Variants in NRXN3 observed in about 807,000 individuals in gnomAD.
The protein encoded by NRXN3 is neurexin 3.
Under a neutral mutation model 137.6 loss-of-function variants are expected in NRXN3, and 32 were observed. The ratio of observed to expected loss-of-function variants is 0.23; its 90% CI spans 0.18 to 0.31. The LOEUF is 0.31. NRXN3 is among the 10% of genes least tolerant of loss of function. NRXN3 has a pLI of 1.00. For synonymous variants in NRXN3, 798 were observed against 784.5 expected, an observed-to-expected ratio of 1.02 and a Z score of -0.29; for missense variants, 1,574 against 2,062.5, an observed-to-expected ratio of 0.76 and a Z score of 4.59.
At chr14:78,503,706 C>T (rs933324840) in intron 4 of NRXN3, among the ~76,000 whole-genome samples, 1 of 152,048 alleles carries the variant, frequency 6.6e-6, no homozygotes, top group South Asian at 2.1e-4. Flanking sequence ...GTCCCAGGGC[C>T]TAGGACAAGG....
At position 79,359,334 on chromosome 14, in the gene NRXN3, AT is replaced by A. The variant is rs1445644658; in HGVS notation, c.3263-107885del. On this transcript the variant is annotated intron_variant, in intron 15 of 20. Coordinates refer to ENST00000335750, the MANE Select transcript of NRXN3 (RefSeq NM_001330195.2). ...TTTAAGTAACTGCCTTGCAAGGGTG[AT>A]TCCCTACAGAGTTATTTTCTGCATA... is the stretch of plus-strand genomic sequence containing the variant. Among the ~76,000 whole-genome samples the A allele has an allele frequency of 2.6e-5, 4 of 152,202 alleles. No homozygotes were observed. In the East Asian group the frequency reaches 7.7e-4, roughly 29 times the overall value.
Position 78,943,622 on chromosome 14 carries a change from ATATATATATATAT to A in NRXN3, c.2276-13619_2276-13607del, listed in dbSNP as rs1395592109. Among the ~76,000 whole-genome samples, 110 of 24,264 alleles carry A rather than the reference ATATATATATATAT, an allele frequency of 4.5e-3. 6 individuals are homozygous for A. The highest frequency in any genetic ancestry group is 5.4e-3 in the Admixed American group (9 of 1,672). The allele number at this position is 24,264 out of a possible 152,430, so 15.9% of individuals were successfully genotyped here. On this transcript the variant is annotated intron_variant, in intron 10 of 20. Coordinates refer to ENST00000335750, the MANE Select transcript of NRXN3 (RefSeq NM_001330195.2). ...GCAAGATCACTGTTAAAAAAAAAAAATATATATATATATATATATATATATATATATATATATA... is the reference window on the plus strand; with the variant it reads ...GCAAGATCACTGTTAAAAAAAAAAAAATATATATATATATATATATATATA...
intron 4 of NRXN3, among the ~76,000 whole-genome samples, chr14:78,554,983 G>T (rs1243586391): frequency 6.6e-6 from 1 of 152,042 alleles, no homozygotes; most frequent in South Asian, 2.1e-4. Context: ...GAGAGCATGG[G>T]CTCTGGAGGC....
chr14:78,305,352 G>C (rs112038498), intron 4 of NRXN3, among the ~76,000 whole-genome samples: 15 of 152,212 alleles, frequency 9.9e-5, no homozygotes, highest in Admixed American at 5.2e-4. Context: ...GCTCTACAGA[G>C]TTTTGTATTC....
chr14:78,554,102 A>C (rs1467177292), intron 4 of NRXN3, among the ~76,000 whole-genome samples: 1 of 152,090 alleles, frequency 6.6e-6, no homozygotes, highest in Non-Finnish European at 1.5e-5. Context: ...CCAAGCCTTC[A>C]TTTTCTTTGA....
chr14:79,271,968 A>C lies in NRXN3; in HGVS notation c.3263-195253A>C, dbSNP rs527423426. ...AAGCAGGCTCAAAAAGTTTAAGGTA[A>C]CTTGTTCAAAGTCATATAGCCAGTG... On this transcript the variant is annotated intron_variant, in intron 15 of 20. Coordinates refer to ENST00000335750, the MANE Select transcript of NRXN3 (RefSeq NM_001330195.2). Among the ~76,000 whole-genome samples the C allele has an allele frequency of 7.2e-5, 11 of 152,302 alleles. No individual in the cohort carries two copies. The South Asian group carries it at 2.1e-3, about 29-fold the overall frequency.
At chr14:78,285,872 C>A (rs548836957) in intron 3 of NRXN3, among the ~76,000 whole-genome samples, 2 of 152,212 alleles carry the variant, frequency 1.3e-5, no homozygotes, top group South Asian at 2.1e-4. Flanking sequence ...TGGAAGGGGG[C>A]CCTCAGCTGG....
intron 15 of NRXN3, among the ~76,000 whole-genome samples, chr14:79,394,732 AT>A (rs1308048065): frequency 1.3e-5 from 2 of 152,200 alleles, no homozygotes; most frequent in African/African-American, 4.8e-5. Context: ...CAATACCAGT[AT>A]TTTTAAAAGT....
intron 15 of NRXN3, among the ~76,000 whole-genome samples, chr14:79,157,858 T>A (rs796836356): frequency 3.4e-4 from 51 of 151,870 alleles, no homozygotes; most frequent in African/African-American, 1.2e-3. Flanking sequence ...TGAGAAGCAT[T>A]TTATAAGGGA....
At chr14:78,777,071 A>C (rs2098747041) in intron 8 of NRXN3, among the ~76,000 whole-genome samples, 2 of 152,156 alleles carry the variant, frequency 1.3e-5, no homozygotes, top group African/African-American at 4.8e-5. Context: ...ATATTATTCA[A>C]ATCCTGTTCC....
intron 14 of NRXN3, among the ~76,000 whole-genome samples, chr14:78,970,114 A>G (rs986837097): frequency 1.3e-5 from 2 of 152,334 alleles, no homozygotes; most frequent in Non-Finnish European, 2.9e-5. Flanking sequence ...ATATAAGAGC[A>G]CATATTAGAA....
chr14:78,699,643 T>C (rs1162528118), intron 6 of NRXN3, among the ~76,000 whole-genome samples: 6 of 152,176 alleles, frequency 3.9e-5, no homozygotes, highest in Non-Finnish European at 5.9e-5. Flanking sequence ...GTTACCTTTT[T>C]CCCCTAATTG....
chr14:78,209,609 T>G (rs1455478834), intron 1 of NRXN3, among the ~76,000 whole-genome samples: 2 of 152,158 alleles, frequency 1.3e-5, no homozygotes. Flanking sequence ...GAAAACTGCC[T>G]TATAAGCCCA....
At chr14:79,785,810 T>C (rs1045888559) in intron 19 of NRXN3, among the ~76,000 whole-genome samples, 1 of 152,144 alleles carries the variant, frequency 6.6e-6, no homozygotes, top group Non-Finnish European at 1.5e-5. Flanking sequence ...AACCAGAATT[T>C]TTCTCAATGA....
At chr14:78,282,493 A>C (rs2074542474) in intron 3 of NRXN3, 1 of 207,606 alleles carries the variant, frequency 4.8e-6, no homozygotes, top group Non-Finnish European at 1.0e-5. Context: ...TGGAATTTAA[A>C]TGAATAACTG....
intron 15 of NRXN3, among the ~76,000 whole-genome samples, chr14:79,181,057 C>CATATATATAT (rs3035618): frequency 1.0e-4 from 15 of 145,020 alleles, no homozygotes; most frequent in African/African-American, 3.3e-4. Context: ...TGTCTGTGTG[C>CATATATATAT]ATATATATAT....
intron 15 of NRXN3, among the ~76,000 whole-genome samples, chr14:79,402,850 C>A (rs1050151515): frequency 6.6e-6 from 1 of 152,098 alleles, no homozygotes; most frequent in African/African-American, 2.4e-5. Flanking sequence ...GCAAGACAGA[C>A]TCAGAATCTT....
intron 4 of NRXN3, among the ~76,000 whole-genome samples, chr14:78,533,176 T>C (rs1327718125): frequency 6.8e-6 from 1 of 146,998 alleles, no homozygotes; most frequent in Admixed American, 6.9e-5. Context: ...CTTGGCTCAC[T>C]GCAACTTCTG....
chr14:79,718,629 C>A (rs1217502369), intron 19 of NRXN3, among the ~76,000 whole-genome samples: 1 of 152,134 alleles, frequency 6.6e-6, no homozygotes, highest in Non-Finnish European at 1.5e-5. Flanking sequence ...ACAGGCCCAC[C>A]CAGCTTGATG....
Sources: allele counts gnomAD v4.1 joint callset (sites outside exome capture counted in the v4.1 genomes callset), GRCh38; gene constraint gnomAD v4.1.1; transcripts MANE v1.5; gene names NCBI Gene and HGNC (gene_info 2026-07-23, HGNC 2026-07-21).